Variants in SEC14L1 observed in about 807,000 individuals in gnomAD.
SEC14L1 encodes the protein SEC14-like protein 1.
In SEC14L1, 48 loss-of-function variants were observed where a neutral mutation model predicts 85.3. The observed-to-expected ratio is 0.56, with a 90% confidence interval of 0.45 to 0.72. The LOEUF is 0.72. Ranked by LOEUF, SEC14L1 falls within the 30% of genes least tolerant of loss-of-function variation. The probability of loss-of-function intolerance (pLI) is 0.00; values close to 1 mark genes in which losing one functional copy is unlikely to be tolerated. For synonymous variants in SEC14L1, 391 were observed against 355.5 expected, an observed-to-expected ratio of 1.10 and a Z score of -1.12; for missense variants, 682 against 921.4, an observed-to-expected ratio of 0.74 and a Z score of 3.36.
intron 3 of SEC14L1, among the ~76,000 whole-genome samples, chr17:77,162,830 C>CA (rs55856950): frequency 0.016 from 2,405 of 148,234 alleles, 72 homozygotes; most frequent in African/African-American, 0.054. Context: ...AACTCTGTCT[C>CA]AAAAAAAAAA....
intron 3 of SEC14L1, among the ~76,000 whole-genome samples, chr17:77,147,137 C>T (rs950680103): frequency 6.6e-6 from 1 of 152,126 alleles, no homozygotes; most frequent in African/African-American, 2.4e-5. Context: ...GGAGGTGGGT[C>T]GAGTCCTGGT....
chr17:77,095,959 G>A (rs963911666), intron 3 of SEC14L1, among the ~76,000 whole-genome samples: 1 of 152,138 alleles, frequency 6.6e-6, no homozygotes, highest in Non-Finnish European at 1.5e-5. Context: ...AGACTCCATG[G>A]GTGGAGGCCT....
upstream of SEC14L1, among the ~76,000 whole-genome samples, chr17:77,136,911 CTTT>C (rs577567553): frequency 4.9e-5 from 7 of 142,096 alleles, no homozygotes; most frequent in Non-Finnish European, 9.3e-5. Context: ...CTTTTTCTTT[CTTT>C]TTTTTTTTTT....
chr17:77,194,893 G>C lies in SEC14L1; in HGVS notation c.691G>C (p.Val231Leu). The C allele has an allele frequency of 2.5e-6, 4 of 1,613,956 alleles. No homozygotes were observed. Among genetic ancestry groups the C allele is most frequent in the Non-Finnish European group, 3.4e-6 (4 of 1,179,820 alleles). ...CAGCAGCCCCAGCGCACCTGAGCCC[G>C]TGGTGGGCACCCCTGACGGTGGGTC... ...ALSSPSAPEP[V>L]VGTPDDKLDA... The change falls in exon 7 of 17, where the codon GTG becomes CTG. Residue 231 changes from valine to leucine, a missense_variant. Transcript: ENST00000436233.
At chr17:77,149,861 T>G (rs996157759) in intron 3 of SEC14L1, among the ~76,000 whole-genome samples, 31 of 152,010 alleles carry the variant, frequency 2.0e-4, no homozygotes, top group African/African-American at 5.1e-4. Context: ...TTTGTGTTTT[T>G]TTTTTTTTTT....
At chr17:77,173,803 A>G (rs1046664881) in intron 3 of SEC14L1, among the ~76,000 whole-genome samples, 31 of 151,854 alleles carry the variant, frequency 2.0e-4, no homozygotes, top group South Asian at 4.2e-4. Flanking sequence ...GGGAAATTCT[A>G]TTGTCTTGCT....
At chr17:77,174,599 T>A (rs1401354274) in intron 3 of SEC14L1, among the ~76,000 whole-genome samples, 1 of 152,100 alleles carries the variant, frequency 6.6e-6, no homozygotes, top group African/African-American at 2.4e-5. Context: ...AGCGTCCGGG[T>A]TTATTCGTCA....
chr17:77,097,877 G>A (rs1971683181), intron 3 of SEC14L1, among the ~76,000 whole-genome samples: 1 of 152,188 alleles, frequency 6.6e-6, no homozygotes, highest in Non-Finnish European at 1.5e-5. Flanking sequence ...GCTATGGAGA[G>A]AAAGACAGCA....
chr17:77,171,117 T>G (rs188828193), intron 3 of SEC14L1, among the ~76,000 whole-genome samples: 2,085 of 143,170 alleles, frequency 0.015, 41 homozygotes, highest in Non-Finnish European at 0.016. Flanking sequence ...GATTTATTAG[T>G]TTTTTTTGCA....
upstream of SEC14L1, among the ~76,000 whole-genome samples, chr17:77,137,741 T>TTTGGTTTCAATACTGAAACCAAAACAGC (rs1567886362): frequency 1.3e-5 from 2 of 152,020 alleles, no homozygotes; most frequent in African/African-American, 4.8e-5. Flanking sequence ...AACCAATACG[T>TTTGGTTTCAATACTGAAACCAAAACAGC]GCTTTCACTG....
At chr17:77,155,883 G>A (rs758401091) in intron 3 of SEC14L1, among the ~76,000 whole-genome samples, 18 of 152,126 alleles carry the variant, frequency 1.2e-4, no homozygotes, top group Non-Finnish European at 2.1e-4. Context: ...CCCAGTCCAC[G>A]TACCTCATCT....
At chr17:77,149,947 T>A (rs773062326) in intron 3 of SEC14L1, among the ~76,000 whole-genome samples, 4 of 151,960 alleles carry the variant, frequency 2.6e-5, no homozygotes, top group African/African-American at 9.7e-5. Flanking sequence ...CTTTTCCAGG[T>A]TGAATAACCA....
intron 3 of SEC14L1, among the ~76,000 whole-genome samples, chr17:77,160,876 T>C (rs1361354562): frequency 6.6e-6 from 1 of 152,148 alleles, no homozygotes; most frequent in Non-Finnish European, 1.5e-5. Context: ...ACAAAAAGAA[T>C]AGGGATGAAA....
intron 3 of SEC14L1, among the ~76,000 whole-genome samples, chr17:77,116,145 C>T (rs1972167896): frequency 6.6e-6 from 1 of 152,068 alleles, no homozygotes; most frequent in African/African-American, 2.4e-5. Context: ...GTCTCAAACT[C>T]CTGAGCTCAA....
intron 3 of SEC14L1, among the ~76,000 whole-genome samples, chr17:77,130,618 C>T (rs1972584800): frequency 6.6e-6 from 1 of 150,422 alleles, no homozygotes; most frequent in Non-Finnish European, 1.5e-5. Flanking sequence ...CCACTGAGCC[C>T]AGCCTATTTA....
chr17:77,180,046 TTGTTATGTTATGTTA>T (rs67421763), intron 3 of SEC14L1, among the ~76,000 whole-genome samples: 1,870 of 121,076 alleles, frequency 0.015, 19 homozygotes, highest in Non-Finnish European at 0.021. Context: ...ATGTTTTGTT[TTGTTATGTTATGTTA>T]TGTTATGTTA....
chr17:77,109,121 C>T (rs933758125), intron 3 of SEC14L1, among the ~76,000 whole-genome samples: 1 of 149,470 alleles, frequency 6.7e-6, no homozygotes, highest in Non-Finnish European at 1.5e-5. Flanking sequence ...CGCACCCAGC[C>T]TGGGGTTTGG....
chr17:77,181,441 TC>T (rs1975031757), intron 3 of SEC14L1, among the ~76,000 whole-genome samples: 1 of 152,252 alleles, frequency 6.6e-6, no homozygotes, highest in East Asian at 1.9e-4. Flanking sequence ...AGACAGAGTT[TC>T]GCTCTTGTTG....
chr17:77,117,273 A>C (rs1483730159), intron 3 of SEC14L1, among the ~76,000 whole-genome samples: 1 of 152,018 alleles, frequency 6.6e-6, no homozygotes, highest in Non-Finnish European at 1.5e-5. Flanking sequence ...CTTGAACCCG[A>C]GAGGTGGAGG....
Sources: gnomAD v4.1 joint callset for allele counts (sites outside exome capture counted in the v4.1 genomes callset) on GRCh38, gnomAD v4.1.1 for gene constraint, MANE v1.5 for transcripts, NCBI Gene and HGNC (gene_info 2026-07-23, HGNC 2026-07-21) for gene names.